MYH11: variants seen among roughly 807,000 people sequenced by gnomAD.
MYH11 encodes the protein myosin heavy chain 11.
In MYH11, 80 loss-of-function variants were observed where a neutral mutation model predicts 246.6. That is an observed-to-expected ratio of 0.32 (90% CI 0.27 to 0.39). The LOEUF (loss-of-function observed/expected upper bound fraction) is 0.39. Among genes scored for constraint, MYH11 ranks in the 10% least tolerant of loss-of-function variants. The pLI, the probability that MYH11 is intolerant of heterozygous loss-of-function variation, is 1.00. For missense variants in MYH11, 2,158 were observed against 2,546.8 expected (o/e 0.85, Z 3.29); for synonymous variants, 1,071 against 1,015.5 (o/e 1.05, Z -1.04).
At chr16:15,717,474 T>A in intron 37 of MYH11, 126 bp from the exon 38 acceptor site, 1 of 931,358 alleles carries the variant, frequency 1.1e-6, no homozygotes, top group Non-Finnish European at 1.6e-6. Flanking sequence ...CCCTGTCCTC[T>A]CCTTCATCCT....
In MYH11 at chr16:15,756,279, C is replaced by G. The variant is rs577318624; in HGVS notation, c.1749+62G>C. On this transcript the variant is annotated intron_variant, in intron 14 of 40. Transcript: ENST00000300036. The stretch of plus-strand genomic sequence containing the variant: ...AGGTTCTGCCACTCTCAGACTGTCT[C>G]TGCGCTGAGCAGCCACTGGGGGTCC... 28 of 1,581,592 alleles carry G rather than the reference C, an allele frequency of 1.8e-5. No homozygotes were observed. The East Asian group carries it at 5.7e-4, about 32-fold the overall frequency.
chr16:15,810,823 T>G (rs886117991), intron 3 of MYH11, among the ~76,000 whole-genome samples: 1 of 152,178 alleles, frequency 6.6e-6, no homozygotes, highest in Non-Finnish European at 1.5e-5. Flanking sequence ...CACAGCACAT[T>G]TAAGAGCTTG....
At chr16:15,850,710 C>T (rs531497906) in intron 1 of MYH11, among the ~76,000 whole-genome samples, 1 of 152,180 alleles carries the variant, frequency 6.6e-6, no homozygotes, top group African/African-American at 2.4e-5. Flanking sequence ...GCCTGCGCAA[C>T]ATGGTGAAAC....
chr16:15,849,624 AT>A (rs753684608), intron 1 of MYH11, among the ~76,000 whole-genome samples: 1 of 151,360 alleles, frequency 6.6e-6, no homozygotes, highest in Non-Finnish European at 1.5e-5. Flanking sequence ...TAATTCTTGC[AT>A]TTTTTTGTAG....
At chr16:15,734,322 TCTCA>T (rs1436030565) in intron 26 of MYH11, among the ~76,000 whole-genome samples, 2 of 150,940 alleles carry the variant, frequency 1.3e-5, no homozygotes, top group Non-Finnish European at 3.0e-5. Flanking sequence ...TGAGATGGAG[TCTCA>T]CTCACTGTGT....
intron 27 of MYH11, among the ~76,000 whole-genome samples, chr16:15,729,430 G>A (rs922158779): frequency 1.4e-4 from 21 of 152,170 alleles, no homozygotes; most frequent in African/African-American, 5.1e-4. Context: ...TAATAACTGC[G>A]TCTTCCCAAA....
chr16:15,845,569 T>A (rs1356408820), intron 1 of MYH11, among the ~76,000 whole-genome samples: 1 of 152,238 alleles, frequency 6.6e-6, no homozygotes, highest in Non-Finnish European at 1.5e-5. Flanking sequence ...AGTGGCTTGA[T>A]ACGACGCGTC....
intron 9 of MYH11, among the ~76,000 whole-genome samples, chr16:15,770,490 T>C (rs987761609): frequency 1.3e-5 from 2 of 152,214 alleles, no homozygotes; most frequent in Non-Finnish European, 2.9e-5. Flanking sequence ...TGAGCTGTCC[T>C]GTTCTCAAGA....
Position 15,724,629 on chromosome 16 carries a change from A to C in MYH11, c.4116+18T>G, listed in dbSNP as rs2040655901. 1 of 1,613,712 alleles carries C rather than the reference A, an allele frequency of 6.2e-7. No individual in the cohort carries two copies. The highest frequency in any genetic ancestry group is 1.3e-5 in the African/African-American group (1 of 75,050). ...GTTGAGAGGACCCATGAAGGAAGCAAGGACACGGGGCAGGCACCTGGATGT... is the reference window on the plus strand; with the variant it reads ...GTTGAGAGGACCCATGAAGGAAGCACGGACACGGGGCAGGCACCTGGATGT... On this transcript the variant is annotated intron_variant, in intron 30 of 40. Coordinates refer to ENST00000300036, the MANE Select transcript of MYH11 (RefSeq NM_002474.3).
Position 15,758,083 on chromosome 16 carries a change from C to G in MYH11, c.1402-83G>C. On this transcript the variant is annotated intron_variant, in intron 12 of 40. Transcript: ENST00000300036. ...GGAGCCCCACAGAAGCTCCACCCGA[C>G]AGCGCCCCCATGGCCCGCCCACATC... 2.5e-6 allele frequency: 4 copies of G among 1,598,706 alleles called. No homozygotes were observed. In the South Asian group the frequency reaches 4.4e-5, roughly 18 times the overall value.
chr16:15,786,389 G>A (rs1328183055), intron 5 of MYH11: 6 of 707,562 alleles, frequency 8.5e-6, no homozygotes, highest in Admixed American at 5.7e-5. Context: ...GAAGGAAAGG[G>A]CTTATTCTCA....
chr16:15,768,103 C>G (rs1186412010), intron 9 of MYH11, among the ~76,000 whole-genome samples: 1 of 152,014 alleles, frequency 6.6e-6, no homozygotes, highest in African/African-American at 2.4e-5. Flanking sequence ...ATTTCAGAAC[C>G]CTGGCCTCCA....
chr16:15,832,153 C>A (rs979547370), intron 2 of MYH11, among the ~76,000 whole-genome samples: 26 of 152,122 alleles, frequency 1.7e-4, no homozygotes, highest in African/African-American at 5.8e-4. Flanking sequence ...AAAATTGTCA[C>A]CTGCTAAAGT....
chr16:15,855,628 C>A (rs996124797), intron 1 of MYH11, among the ~76,000 whole-genome samples: 3 of 152,190 alleles, frequency 2.0e-5, no homozygotes, highest in African/African-American at 7.2e-5. Context: ...AATGTTGCAA[C>A]AGCATGTGGC....
chr16:15,721,817 T>C (rs888970787), intron 31 of MYH11, 183 bp from the exon 32 acceptor site: 11 of 647,614 alleles, frequency 1.7e-5, no homozygotes, highest in Admixed American at 2.8e-5. Flanking sequence ...ATCAACCTTA[T>C]GCAGAGCCAG....
chr16:15,763,950 G>A lies in MYH11; in HGVS notation c.1034-59C>T, dbSNP rs895889884. ...AAGGTCAATGCCAAGGTACCCTGGA[G>A]TTTTGGAGCCTAAAGCCACTGGGGA... is the stretch of plus-strand genomic sequence containing the variant. On this transcript the variant is annotated intron_variant, in intron 9 of 40. Coordinates refer to ENST00000300036, the MANE Select transcript of MYH11 (RefSeq NM_002474.3). The A allele has an allele frequency of 2.1e-6, 3 of 1,422,358 alleles. No individual in the cohort carries two copies. In the African/African-American group the frequency reaches 4.2e-5, roughly 20 times the overall value. The allele number at this position is 1,422,358 out of a possible 1,614,324, so 88.1% of individuals were successfully genotyped here. A position where few individuals can be genotyped will look rare whatever the true frequency, so the allele number is the denominator to read the frequency against.
intron 2 of MYH11, among the ~76,000 whole-genome samples, chr16:15,837,157 T>C (rs1373659492): frequency 1.3e-5 from 2 of 152,168 alleles, no homozygotes; most frequent in South Asian, 4.1e-4. Flanking sequence ...AACCTGAACA[T>C]TCCCCTCTGT....
intron 26 of MYH11, among the ~76,000 whole-genome samples, chr16:15,734,674 T>C (rs2041064576): frequency 6.6e-6 from 1 of 152,260 alleles, no homozygotes; most frequent in African/African-American, 2.4e-5. Flanking sequence ...CCAATGAGGA[T>C]GGTTTTGAAT....
rs772814931 is a variant in MYH11, at chr16:15,748,019, C to T, written c.2180+28G>A. 10 of 1,614,096 alleles carry T rather than the reference C, an allele frequency of 6.2e-6. No individual in the cohort carries two copies. In the African/African-American group the frequency reaches 1.2e-4, roughly 19 times the overall value. On this transcript the variant is annotated intron_variant, in intron 17 of 40. Transcript: ENST00000300036. The stretch of plus-strand genomic sequence containing the variant: ...CCACCCAGTCCCGCTCACCCCCTGC[C>T]CTACCTGGGCCAGACCTTGGGACTT...
Sources: allele counts gnomAD v4.1 joint callset (sites outside exome capture counted in the v4.1 genomes callset), GRCh38; gene constraint gnomAD v4.1.1; transcripts MANE v1.5; gene names NCBI Gene and HGNC (gene_info 2026-07-23, HGNC 2026-07-21).